CCDC144A: variants seen among roughly 807,000 people sequenced by gnomAD.
CCDC144A encodes the protein coiled-coil domain containing 144A, also known as coiled-coil domain-containing protein 144A.
A neutral mutation model predicts 143.8 loss-of-function variants in CCDC144A; 41 were observed. The observed-to-expected ratio is 0.29, with a 90% CI of 0.22 to 0.37. The LOEUF (loss-of-function observed/expected upper bound fraction) is 0.37. Ranked by LOEUF, CCDC144A falls within the 10% of genes least tolerant of loss-of-function variation. The pLI is 1.00. For missense variants in CCDC144A, 637 were observed against 1,488.8 expected (o/e 0.43, Z 9.41); for synonymous variants, 242 against 517.9 (o/e 0.47, Z 7.23).
intron 12 of CCDC144A, among the ~76,000 whole-genome samples, chr17:16,754,920 A>G (rs896183135): frequency 6.6e-6 from 1 of 152,186 alleles, no homozygotes; most frequent in Non-Finnish European, 1.5e-5. Context: ...TATTGAGTAT[A>G]TATACCTTTA....
chr17:16,737,588 A>G, intron 12 of CCDC144A: 9 of 1,298,352 alleles, frequency 6.9e-6, no homozygotes, highest in South Asian at 1.2e-5. Flanking sequence ...TAAAACAACA[A>G]CCTACGTCAG....
intron 1 of CCDC144A, among the ~76,000 whole-genome samples, chr17:16,691,285 T>G (rs1911054249): frequency 6.6e-6 from 1 of 152,152 alleles, no homozygotes; most frequent in South Asian, 2.1e-4. Flanking sequence ...GAGAGGAGTT[T>G]CCTTTTTTCA....
intron 15 of CCDC144A, among the ~76,000 whole-genome samples, chr17:16,768,086 C>T (rs1386785109): frequency 6.6e-6 from 1 of 152,270 alleles, no homozygotes; most frequent in East Asian, 1.9e-4. Context: ...GTGCATTCGT[C>T]TATAGACATA....
intron 2 of CCDC144A, among the ~76,000 whole-genome samples, chr17:16,695,652 T>A (rs1214688955): frequency 6.6e-6 from 1 of 151,614 alleles, no homozygotes; most frequent in Non-Finnish European, 1.5e-5. Context: ...ATTATCATTG[T>A]CACTTTAATT....
chr17:16,679,983 A>G, the CCDC144A span, among the ~76,000 whole-genome samples: 7 of 152,034 alleles, frequency 4.6e-5, no homozygotes, highest in Admixed American at 4.6e-4. Flanking sequence ...CAAAATATTT[A>G]TTTTTTTTAA....
At chr17:16,760,326 A>G (rs955367704) in intron 12 of CCDC144A, among the ~76,000 whole-genome samples, 5 of 149,322 alleles carry the variant, frequency 3.3e-5, no homozygotes, top group Non-Finnish European at 2.9e-5. Flanking sequence ...ATAAAAAACA[A>G]TCATAATTAT....
At chr17:16,729,991 T>TATATATATATATATATACATAC (rs1491438660) in intron 9 of CCDC144A, among the ~76,000 whole-genome samples, 1 of 114,886 alleles carries the variant, frequency 8.7e-6, no homozygotes, top group African/African-American at 3.3e-5. Flanking sequence ...TATATATATA[T>TATATATATATATATATACATAC]ACACACATAC....
At chr17:16,695,816 A>G (rs546264700) in intron 2 of CCDC144A, among the ~76,000 whole-genome samples, 88 of 152,298 alleles carry the variant, frequency 5.8e-4, no homozygotes, top group Non-Finnish European at 5.9e-5. Context: ...GTAAGCATGA[A>G]GAGTGAGTAG....
chr17:16,711,641 C>T, intron 5 of CCDC144A, 38 bp from the exon 6 acceptor site: 2 of 1,609,602 alleles, frequency 1.2e-6, no homozygotes, highest in Non-Finnish European at 1.7e-6. Context: ...TTGAATAAAG[C>T]AATAACAATC....
At chr17:16,677,860 A>C in the CCDC144A span, among the ~76,000 whole-genome samples, 1,996 of 152,158 alleles carry the variant, frequency 0.013, 38 homozygotes, top group African/African-American at 0.043. Context: ...TATACATGCA[A>C]ACATCAGTGT....
chr17:16,742,542 C>A (rs186610463), intron 12 of CCDC144A, among the ~76,000 whole-genome samples: 1 of 152,016 alleles, frequency 6.6e-6, no homozygotes, highest in Admixed American at 6.6e-5. Flanking sequence ...ACTGGTATCC[C>A]TTTGATATGC....
At chr17:16,672,285 C>T in the CCDC144A span, among the ~76,000 whole-genome samples, 1 of 151,874 alleles carries the variant, frequency 6.6e-6, no homozygotes, top group African/African-American at 2.4e-5. Flanking sequence ...ATCAGATAAA[C>T]CTGGGACATG....
chr17:16,687,348 C>T (rs1910817696), upstream of CCDC144A, among the ~76,000 whole-genome samples: 1 of 151,984 alleles, frequency 6.6e-6, no homozygotes, highest in African/African-American at 2.4e-5. Flanking sequence ...TAGCCCATCC[C>T]CCTCCCCCGC....
chr17:16,718,311 A>G (rs1427475311), intron 6 of CCDC144A, among the ~76,000 whole-genome samples: 2 of 151,750 alleles, frequency 1.3e-5, no homozygotes, highest in Non-Finnish European at 2.9e-5. Flanking sequence ...ATTCAAGGGA[A>G]TTTTCTTTCT....
At chr17:16,678,780 G>A in the CCDC144A span, among the ~76,000 whole-genome samples, 1 of 137,402 alleles carries the variant, frequency 7.3e-6, no homozygotes, top group Non-Finnish European at 1.6e-5. Flanking sequence ...TTTGGTCGGA[G>A]TTTTGCTCTT....
At chr17:16,747,287 C>A (rs2143301453) in intron 12 of CCDC144A, among the ~76,000 whole-genome samples, 1 of 152,208 alleles carries the variant, frequency 6.6e-6, no homozygotes, top group Middle Eastern at 3.4e-3. Context: ...TGTGCCAGTA[C>A]CGTGCTGATT....
intron 12 of CCDC144A, among the ~76,000 whole-genome samples, chr17:16,755,307 C>T (rs1386882535): frequency 1.3e-5 from 2 of 152,186 alleles, no homozygotes; most frequent in Admixed American, 1.3e-4. Context: ...TCATTTGTTC[C>T]TATCTTCCTC....
At chr17:16,699,734 A>G (rs1911626898) in intron 2 of CCDC144A, among the ~76,000 whole-genome samples, 1 of 149,510 alleles carries the variant, frequency 6.7e-6, no homozygotes, top group African/African-American at 2.5e-5. Flanking sequence ...TGATCTTATA[A>G]TTTTTTGTTC....
chr17:16,674,741 A>G, the CCDC144A span, among the ~76,000 whole-genome samples: 1 of 152,126 alleles, frequency 6.6e-6, no homozygotes, highest in Non-Finnish European at 1.5e-5. Context: ...TTTGAATATC[A>G]AAACCAATTT....
Sources: gnomAD v4.1 joint callset for allele counts (sites outside exome capture counted in the v4.1 genomes callset) on GRCh38, gnomAD v4.1.1 for gene constraint, MANE v1.5 for transcripts, NCBI Gene and HGNC (gene_info 2026-07-23, HGNC 2026-07-21) for gene names.